XPO5: variants seen among roughly 807,000 people sequenced by gnomAD.
The protein encoded by XPO5 is exportin-5.
In XPO5, 46 loss-of-function variants were observed where a neutral mutation model predicts 160.6. The observed-to-expected ratio is 0.29, with a 90% CI of 0.23 to 0.37. XPO5 has a LOEUF of 0.37. XPO5 is among the 10% of genes least tolerant of loss of function. XPO5 has a pLI of 1.00. For missense variants in XPO5, 1,090 were observed against 1,463.9 expected, an observed-to-expected ratio of 0.74 and a Z score of 4.17; for synonymous variants, 537 against 519.3, an observed-to-expected ratio of 1.03 and a Z score of -0.46.
chr6:43,574,110 G>A (rs910495372), intron 1 of XPO5, among the ~76,000 whole-genome samples: 2 of 151,820 alleles, frequency 1.3e-5, no homozygotes, highest in East Asian at 1.9e-4. Context: ...GATTACAGGC[G>A]TGAGCCACTG....
At chr6:43,529,378 T>TAAA (rs35493258) in intron 23 of XPO5, 3,024 of 121,764 alleles carry the variant, frequency 0.025, 143 homozygotes, top group African/African-American at 0.097. Context: ...CCGTCTCTAC[T>TAAA]AAAAAAAAAA....
At position 43,548,271 on chromosome 6, in the gene XPO5, C is replaced by T. The variant is rs1795060947; in HGVS notation, c.2050G>A (p.Asp684Asn). Residue 684 changes from aspartate to asparagine, a missense_variant, in exon 18 of 32, where the codon GAC becomes AAC. Coordinates refer to ENST00000265351, the MANE Select transcript of XPO5 (RefSeq NM_020750.3). ...AGGGATCTCCTTTACCTGTGCATGT[C>T]TTGAGAAAGCCAGATGCTGGCCACT... Reference protein sequence around the residue: ...APVASIWLSQDMHRVLSDVDA... With the variant: ...APVASIWLSQNMHRVLSDVDA... The T allele has an allele frequency of 6.2e-7, 1 of 1,609,400 alleles. No individual in the cohort carries two copies.
chr6:43,528,321 A>T, intron 24 of XPO5, 116 bp from the exon 25 acceptor site: 1 of 1,058,712 alleles, frequency 9.4e-7, no homozygotes. Context: ...CTAGGCATCA[A>T]TGACAACTTC....
chr6:43,548,567 T>G, intron 17 of XPO5, 107 bp from the exon 18 acceptor site: 2 of 1,040,676 alleles, frequency 1.9e-6, no homozygotes, highest in Non-Finnish European at 2.6e-6. Flanking sequence ...CCCAGGAAAG[T>G]CAGGCCTATA....
At chr6:43,556,850 C>T (rs1330015604) in intron 12 of XPO5, among the ~76,000 whole-genome samples, 2 of 151,664 alleles carry the variant, frequency 1.3e-5, no homozygotes, top group Admixed American at 6.6e-5. Flanking sequence ...AAATGAAGGC[C>T]GGGTGTGGTG....
At chr6:43,561,129 T>A in intron 9 of XPO5, 122 bp from the exon 10 acceptor site, 3 of 798,276 alleles carry the variant, frequency 3.8e-6, no homozygotes, top group Non-Finnish European at 2.0e-6. Flanking sequence ...AAGGACTTTG[T>A]ATTTCCTTTT....
In XPO5 at chr6:43,562,316, T is replaced by C. The variant is rs61762967; in HGVS notation, c.942A>G (p.Lys314=). ...AGAGCCTCTTCAGAAAGACGTAGTG[T>C]TTTTCTACCAAACCTCCTCCATCAG... The part of the protein sequence containing the change: ...QTADGGGLVE[K]HYVFLKRLCQ... Residue 314 remains lysine (K), a synonymous_variant, in exon 9 of 32, where the codon AAA becomes AAG. Transcript: ENST00000265351. The C allele has an allele frequency of 9.7e-4, 1,554 of 1,609,384 alleles. 1 individual carries two copies. The highest frequency in any genetic ancestry group is 1.3e-3 in the Non-Finnish European group (1,488 of 1,178,068).
chr6:43,527,577 G>A (rs1451336706), intron 26 of XPO5, 57 bp downstream of exon 26: 9 of 1,576,268 alleles, frequency 5.7e-6, no homozygotes, highest in Admixed American at 1.7e-5. Flanking sequence ...TTGGCTGAGC[G>A]ACCAGCTCTT....
chr6:43,528,982 G>A, intron 23 of XPO5, 57 bp from the exon 24 acceptor site: 1 of 1,516,878 alleles, frequency 6.6e-7, no homozygotes, highest in Admixed American at 1.9e-5. Flanking sequence ...CACCTGCCAG[G>A]TGGTGGGTTG....
intron 5 of XPO5, among the ~76,000 whole-genome samples, chr6:43,570,094 T>C (rs113106047): frequency 0.019 from 2,717 of 145,166 alleles, 33 homozygotes; most frequent in South Asian, 0.04. Flanking sequence ...GGGCGGATCA[T>C]GAGGTCAGGA....
At chr6:43,530,918 A>G in intron 22 of XPO5, 94 bp from the exon 23 acceptor site, 1 of 1,446,364 alleles carries the variant, frequency 6.9e-7, no homozygotes, top group Non-Finnish European at 9.2e-7. Context: ...GCCTACAATA[A>G]GGTTTTTCAG....
intron 13 of XPO5, among the ~76,000 whole-genome samples, chr6:43,554,703 G>A (rs895829223): frequency 7.2e-5 from 11 of 152,286 alleles, no homozygotes; most frequent in South Asian, 6.2e-4. Context: ...GATTACAGGC[G>A]TGAGCCACCC....
chr6:43,573,259 T>C, intron 2 of XPO5: 1 of 504,344 alleles, frequency 2.0e-6, no homozygotes, highest in Non-Finnish European at 3.3e-6. Context: ...GTTGAATGGG[T>C]AATATGTACC....
At chr6:43,556,213 C>T (rs1333827749) in intron 12 of XPO5, 2 of 405,964 alleles carry the variant, frequency 4.9e-6, no homozygotes, top group African/African-American at 4.0e-5. Flanking sequence ...CTTAGTCTCC[C>T]ATTTCTGTTT....
chr6:43,549,611 C>T (rs1561876458), intron 16 of XPO5, 33 bp from the exon 17 acceptor site: 3 of 1,604,186 alleles, frequency 1.9e-6, no homozygotes, highest in Non-Finnish European at 2.6e-6. Flanking sequence ...CTCGGAGCTG[C>T]TTTTAATATA....
At chr6:43,535,266 C>T (rs374515141) in intron 20 of XPO5, among the ~76,000 whole-genome samples, 2 of 125,668 alleles carry the variant, frequency 1.6e-5, no homozygotes, top group Admixed American at 7.3e-5. Flanking sequence ...TCTCAAAAAA[C>T]AACAACAACA....
At chr6:43,529,061 AAAATCTT>A (rs1256203917) in intron 23 of XPO5, 136 bp from the exon 24 acceptor site, 3 of 1,115,548 alleles carry the variant, frequency 2.7e-6, no homozygotes, top group African/African-American at 3.1e-5. Flanking sequence ...TAACAGTGAA[AAAATCTT>A]AAAGTTCTTT....
intron 8 of XPO5, 129 bp downstream of exon 8, chr6:43,565,531 C>T: frequency 1.2e-6 from 1 of 818,596 alleles, no homozygotes; most frequent in Non-Finnish European, 1.8e-6. Flanking sequence ...CGCCACTGCA[C>T]TCCAGCCTGG....
rs1377033148 is a variant in XPO5 at position 43,575,987 on chromosome 6, G to A, written c.-123C>T. On this transcript the variant is annotated 5_prime_UTR_variant, in exon 1 of 32. Coordinates refer to ENST00000265351, the MANE Select transcript of XPO5 (RefSeq NM_020750.3). ...GGCGGGCGGCGGGGGTGGGAAGCTG[G>A]AGGAGGAGCGTTAGCAGCAACTCGC... The A allele has an allele frequency of 5.7e-6, 5 of 877,970 alleles. No individual in the cohort carries two copies. The African/African-American group carries it at 8.7e-5, about 15-fold the overall frequency. 54.4% of individuals were successfully genotyped at this position (877,970 alleles called of 1,614,324 possible).
Sources: gnomAD v4.1 joint callset for allele counts (sites outside exome capture counted in the v4.1 genomes callset) on GRCh38, gnomAD v4.1.1 for gene constraint, MANE v1.5 for transcripts, NCBI Gene and HGNC (gene_info 2026-07-23, HGNC 2026-07-21) for gene names.